Variants in NEK6 observed in about 807,000 individuals in gnomAD.
The protein encoded by NEK6 is serine/threonine-protein kinase Nek6.
Under a neutral mutation model 43.5 loss-of-function variants are expected in NEK6, and 27 were observed. The observed-to-expected ratio is 0.62, with a 90% confidence interval of 0.46 to 0.86. NEK6 has a LOEUF of 0.86. Among genes scored for constraint, NEK6 ranks in the 40% least tolerant of loss-of-function variants. The pLI is 0.00. For missense variants in NEK6, 318 were observed against 414.4 expected (o/e 0.77, Z 2.02); for synonymous variants, 167 against 164.1 (o/e 1.02, Z -0.14).
intron 1 of NEK6, among the ~76,000 whole-genome samples, chr9:124,294,443 G>C (rs1406563017): frequency 2.0e-5 from 3 of 151,098 alleles, no homozygotes; most frequent in South Asian, 2.1e-4. Flanking sequence ...AGTCAGCAGA[G>C]ATCGCGCCAT....
At chr9:124,298,764 G>A (rs550864714) in intron 1 of NEK6, among the ~76,000 whole-genome samples, 9 of 152,266 alleles carry the variant, frequency 5.9e-5, no homozygotes, top group South Asian at 2.1e-4. Flanking sequence ...TAACCTCTTC[G>A]TGCCTCAGTT....
intron 1 of NEK6, among the ~76,000 whole-genome samples, chr9:124,266,539 C>T (rs1176665931): frequency 6.6e-6 from 1 of 152,204 alleles, no homozygotes; most frequent in Non-Finnish European, 1.5e-5. Context: ...CTGGAAGGAA[C>T]AGTGTGCACC....
intron 7 of NEK6, among the ~76,000 whole-genome samples, chr9:124,328,501 G>A (rs546253704): frequency 1.3e-5 from 2 of 152,230 alleles, no homozygotes; most frequent in South Asian, 2.1e-4. Context: ...CCCCAGGAGG[G>A]GGCTGGGCCC....
intron 8 of NEK6, among the ~76,000 whole-genome samples, chr9:124,346,550 C>G (rs538531505): frequency 6.6e-6 from 1 of 152,136 alleles, no homozygotes; most frequent in African/African-American, 2.4e-5. Flanking sequence ...GGCACTCGCC[C>G]GACGGCACTT....
chr9:124,321,133 A>C (rs534477614), intron 4 of NEK6, among the ~76,000 whole-genome samples: 4 of 152,334 alleles, frequency 2.6e-5, no homozygotes, highest in African/African-American at 4.8e-5. Context: ...CCACAAGTCC[A>C]TGCTGAGTCT....
At chr9:124,313,733 TG>T (rs1833666256) in intron 3 of NEK6, among the ~76,000 whole-genome samples, 189 bp from the exon 4 acceptor site, 2 of 151,962 alleles carry the variant, frequency 1.3e-5, no homozygotes, top group African/African-American at 4.8e-5. Flanking sequence ...CGATGGGTTT[TG>T]TGGTGGGACA....
Position 124,352,957 on chromosome 9 carries a change from G to C in NEK6, c.*2010G>C, listed in dbSNP as rs778758760. ...ACGATCTCAGCCACTCACCAGGCCT[G>C]AGTGTTTGTGAAATGATCATGTCCT... is the stretch of plus-strand genomic sequence containing the variant. On this transcript the variant is annotated 3_prime_UTR_variant, in exon 10 of 10. Transcript: ENST00000320246. The C allele has an allele frequency of 6.6e-6, 1 of 152,448 alleles. No individual in the cohort carries two copies. Among genetic ancestry groups the C allele is most frequent in the Admixed American group, 6.5e-5 (1 of 15,278 alleles). 9.4% of individuals were successfully genotyped at this position (152,448 alleles called of 1,614,324 possible).
intron 1 of NEK6, among the ~76,000 whole-genome samples, chr9:124,260,932 A>G (rs1253246546): frequency 6.6e-6 from 1 of 152,194 alleles, no homozygotes; most frequent in Non-Finnish European, 1.5e-5. Context: ...TGTACTAGGA[A>G]GGTAGCAGGC....
chr9:124,265,583 G>A (rs1281310579), intron 1 of NEK6: 1 of 152,136 alleles, frequency 6.6e-6, no homozygotes, highest in Non-Finnish European at 1.5e-5. Flanking sequence ...TTTACAGATG[G>A]CGACACTGAG....
chr9:124,294,511 C>T (rs1041381095), intron 1 of NEK6, among the ~76,000 whole-genome samples: 9 of 149,490 alleles, frequency 6.0e-5, no homozygotes, highest in African/African-American at 1.5e-4. Context: ...AAAAAAGTGC[C>T]GAGATGAAGG....
At chr9:124,273,796 C>A (rs1356265570) in intron 1 of NEK6, among the ~76,000 whole-genome samples, 1 of 152,124 alleles carries the variant, frequency 6.6e-6, no homozygotes, top group Non-Finnish European at 1.5e-5. Flanking sequence ...GGTTTTCTTC[C>A]CATTTACGGG....
At chr9:124,266,165 G>T (rs1447384012) in intron 1 of NEK6, among the ~76,000 whole-genome samples, 1 of 152,112 alleles carries the variant, frequency 6.6e-6, no homozygotes, top group African/African-American at 2.4e-5. Flanking sequence ...TGAGAGGTGG[G>T]GCTGTGGAAC....
At chr9:124,291,941 C>G (rs1217615116) in intron 1 of NEK6, 1 of 985,842 alleles carries the variant, frequency 1.0e-6, no homozygotes, top group East Asian at 1.1e-4. Context: ...AAGGGGAAGT[C>G]CCATGCGGAG....
chr9:124,308,376 G>GTGA (rs899529500), intron 2 of NEK6, among the ~76,000 whole-genome samples: 1 of 152,210 alleles, frequency 6.6e-6, no homozygotes, highest in Non-Finnish European at 1.5e-5. Flanking sequence ...TCTGGGCTGG[G>GTGA]TGAGGTAGCT....
rs535699733 is a variant in NEK6 at position 124,270,953 on chromosome 9, G to T, written c.-30+12868G>T. ...GACATGAAGCCAGCCTGATGGGAGGGGCCATAGCACCCACACACACATTTC... is the reference window on the plus strand; with the variant it reads ...GACATGAAGCCAGCCTGATGGGAGGTGCCATAGCACCCACACACACATTTC... On this transcript the variant is annotated intron_variant, in intron 1 of 9. Transcript: ENST00000320246. Among the ~76,000 whole-genome samples the T allele has an allele frequency of 3.3e-5, 5 of 152,346 alleles. No individual in the cohort carries two copies. The South Asian group carries it at 1.0e-3, about 32-fold the overall frequency.
At chr9:124,335,908 G>A (rs1325505610) in intron 7 of NEK6, among the ~76,000 whole-genome samples, 3 of 152,224 alleles carry the variant, frequency 2.0e-5, no homozygotes, top group Non-Finnish European at 4.4e-5. Flanking sequence ...CCAGGAGTTT[G>A]AGACCAGCCT....
intron 1 of NEK6, among the ~76,000 whole-genome samples, chr9:124,285,567 C>T (rs909135219): frequency 6.6e-6 from 1 of 152,132 alleles, no homozygotes; most frequent in African/African-American, 2.4e-5. Context: ...CTGAAGAAAT[C>T]AGAGTTCATG....
chr9:124,291,823 G>C, intron 1 of NEK6: 1 of 985,572 alleles, frequency 1.0e-6, no homozygotes, highest in Non-Finnish European at 1.2e-6. Context: ...CTCCGTGGCG[G>C]CTGTGACAAG....
In NEK6 at chr9:124,326,584, C is replaced by T. The variant is rs1458754610; in HGVS notation, c.514+146C>T. 54 of 630,616 alleles carry T rather than the reference C, an allele frequency of 8.6e-5. No homozygotes were observed. The East Asian group carries it at 9.4e-4, about 11-fold the overall frequency. The allele number at this position is 630,616 out of a possible 1,614,324, so 39.1% of individuals were successfully genotyped here. A position where few individuals can be genotyped will look rare whatever the true frequency, so the allele number is the denominator to read the frequency against. ...CCAGGCAAGGGGGCTGCCCAGCAAC[C>T]GCGCACACACACGCGCCCGGGTCAG... On this transcript the variant is annotated intron_variant, in intron 6 of 9. Coordinates refer to ENST00000320246, the MANE Select transcript of NEK6 (RefSeq NM_014397.6). This position sits in a 1 kb window ranked among gnomAD's most constrained non-coding sequence, Gnocchi z 4.5.
Sources: gnomAD v4.1 joint callset for allele counts (sites outside exome capture counted in the v4.1 genomes callset) on GRCh38, gnomAD v4.1.1 for gene constraint, Gnocchi (gnomAD v3.1) non-coding constraint, MANE v1.5 for transcripts, NCBI Gene and HGNC (gene_info 2026-07-23, HGNC 2026-07-21) for gene names.